CRB1: variants seen among roughly 807,000 people sequenced by gnomAD.
CRB1 encodes crumbs cell polarity complex component 1.
In CRB1, 83 loss-of-function variants were observed where a neutral mutation model predicts 120.0. The ratio of observed to expected loss-of-function variants is 0.69; its 90% confidence interval spans 0.58 to 0.83. CRB1 has a LOEUF of 0.83. Ranked by LOEUF, CRB1 falls within the 40% of genes least tolerant of loss-of-function variation. The probability of loss-of-function intolerance (pLI) is 0.00; values close to 1 mark genes in which losing one functional copy is unlikely to be tolerated. For missense variants in CRB1, 1,699 were observed against 1,687.6 expected (o/e 1.01, Z -0.12); for synonymous variants, 625 against 612.5 (o/e 1.02, Z -0.30).
chr1:197,332,971 G>A (rs972748190), intron 2 of CRB1, among the ~76,000 whole-genome samples: 2 of 152,150 alleles, frequency 1.3e-5, no homozygotes, highest in African/African-American at 2.4e-5. Context: ...CAATCAGCAT[G>A]GATGTGCTGG....
chr1:197,319,894 T>G (rs1042015080), intron 1 of CRB1, among the ~76,000 whole-genome samples: 9 of 152,176 alleles, frequency 5.9e-5, no homozygotes, highest in Non-Finnish European at 1.3e-4. Flanking sequence ...GAAATAGACC[T>G]GAGGTAAACA....
rs138086303 is a variant in CRB1 at position 197,327,209 on chromosome 1, G to A, written c.71-1213G>A. On this transcript the variant is annotated intron_variant, in intron 1 of 11. Coordinates refer to ENST00000367400, the MANE Select transcript of CRB1 (RefSeq NM_201253.3). ...CCTTCCCACTGTATTATCCTGACTC[G>A]CTGGTAAATCTCCTATGATTGCTAA... Among the ~76,000 whole-genome samples, 867 of 149,530 alleles carry A rather than the reference G, an allele frequency of 5.8e-3. 11 individuals are homozygous for A. The highest frequency in any genetic ancestry group is 0.02 in the African/African-American group (821 of 40,562).
the CRB1 span, among the ~76,000 whole-genome samples, chr1:197,208,693 A>G: frequency 1.3e-5 from 2 of 152,304 alleles, no homozygotes; most frequent in East Asian, 3.9e-4. Context: ...GTTGGCCTCT[A>G]GCCAGGAGGT....
the CRB1 span, among the ~76,000 whole-genome samples, chr1:197,213,644 C>A: frequency 2.0e-5 from 3 of 152,096 alleles, no homozygotes; most frequent in African/African-American, 2.4e-5. Context: ...ACAAACAAAT[C>A]TTTTAAAATT....
intron 5 of CRB1, among the ~76,000 whole-genome samples, chr1:197,419,987 G>GAA (rs398053681): frequency 3.6e-4 from 17 of 46,780 alleles, no homozygotes; most frequent in South Asian, 1.4e-3. Flanking sequence ...TCTCAAAAAC[G>GAA]AAAAAAAAAA....
the CRB1 span, among the ~76,000 whole-genome samples, chr1:197,250,452 C>T: frequency 7.7e-3 from 1,173 of 152,022 alleles, 11 homozygotes; most frequent in African/African-American, 0.024. Flanking sequence ...ACAAACTTTA[C>T]GATTAGATTC....
the CRB1 span, among the ~76,000 whole-genome samples, chr1:197,235,766 C>G: frequency 1.3e-5 from 2 of 152,128 alleles, no homozygotes; most frequent in Non-Finnish European, 2.9e-5. Context: ...ATATAAGAAA[C>G]AGCTTGCCAA....
At chr1:197,346,706 C>A (rs994166445) in intron 3 of CRB1, among the ~76,000 whole-genome samples, 6 of 152,174 alleles carry the variant, frequency 3.9e-5, no homozygotes, top group Admixed American at 3.9e-4. Context: ...CAACAACTTT[C>A]TTCATTAGAT....
intron 11 of CRB1, among the ~76,000 whole-genome samples, chr1:197,473,030 T>C (rs1372499013): frequency 6.6e-6 from 1 of 152,186 alleles, no homozygotes; most frequent in Non-Finnish European, 1.5e-5. Flanking sequence ...ATCCTACATA[T>C]ACTGTGGGAA....
chr1:197,337,891 C>A (rs1276187197), intron 2 of CRB1, among the ~76,000 whole-genome samples: 1 of 151,900 alleles, frequency 6.6e-6, no homozygotes, highest in Non-Finnish European at 1.5e-5. Flanking sequence ...GAAATTACTA[C>A]TATTTTAACA....
intron 8 of CRB1, among the ~76,000 whole-genome samples, chr1:197,431,442 ACTT>A (rs1664866514): frequency 6.6e-6 from 1 of 152,178 alleles, no homozygotes; most frequent in African/African-American, 2.4e-5. Context: ...TTTTCATTCT[ACTT>A]CTTTAATTAT....
intron 5 of CRB1, among the ~76,000 whole-genome samples, chr1:197,365,689 G>T (rs1272703962): frequency 2.2e-5 from 3 of 137,344 alleles, no homozygotes; most frequent in Admixed American, 1.6e-4. Flanking sequence ...TTCCAGGCTC[G>T]CCTTGTGTTG....
intron 6 of CRB1, among the ~76,000 whole-genome samples, chr1:197,422,460 G>A (rs555051261): frequency 1.5e-4 from 22 of 149,994 alleles, no homozygotes; most frequent in Admixed American, 8.0e-4. Flanking sequence ...TAAGCATAGC[G>A]TTTTTATAAA....
chr1:197,244,407 C>T, the CRB1 span, among the ~76,000 whole-genome samples: 1 of 151,854 alleles, frequency 6.6e-6, no homozygotes, highest in Admixed American at 6.6e-5. Flanking sequence ...GTATCTGTTT[C>T]ATCCTTAAAA....
chr1:197,272,352 A>G (rs886908195), intron 1 of CRB1, among the ~76,000 whole-genome samples: 5 of 152,168 alleles, frequency 3.3e-5, no homozygotes, highest in East Asian at 1.9e-4. Context: ...TCACTACTCC[A>G]TGAAAGTTAC....
rs1284967148 is a variant in CRB1 at position 197,319,259 on chromosome 1, T to TAAAAAAAAAAAAAAAAA, written c.71-9160_71-9144dup. Among the ~76,000 whole-genome samples, 36 of 49,034 alleles carry TAAAAAAAAAAAAAAAAA rather than the reference T, an allele frequency of 7.3e-4. 1 individual carries two copies. Among genetic ancestry groups the TAAAAAAAAAAAAAAAAA allele is most frequent in the African/African-American group, 2.9e-3 (33 of 11,408 alleles). The allele number at this position is 49,034 out of a possible 152,430, so 32.2% of individuals were successfully genotyped here. On this transcript the variant is annotated intron_variant, in intron 1 of 11. Transcript: ENST00000367400. ...CAACATAGTGAAACCCTGTCTCTAC[T>TAAAAAAAAAAAAAAAAA]AAAAAAAAAAAAAAAAAAATTAGCC...
chr1:197,247,968 A>G, the CRB1 span, among the ~76,000 whole-genome samples: 4 of 152,020 alleles, frequency 2.6e-5, no homozygotes, highest in African/African-American at 9.7e-5. Flanking sequence ...TCTGATATTA[A>G]CTAGGAATTA....
chr1:197,358,600 T>G (rs1457568095), intron 5 of CRB1, among the ~76,000 whole-genome samples: 6 of 152,214 alleles, frequency 3.9e-5, no homozygotes, highest in African/African-American at 1.4e-4. Flanking sequence ...TGGGTTCCCA[T>G]CATCAGTTGT....
At chr1:197,453,502 GTGTATATATA>G (rs1268425195) in intron 11 of CRB1, among the ~76,000 whole-genome samples, 3 of 140,496 alleles carry the variant, frequency 2.1e-5, no homozygotes, top group Non-Finnish European at 3.0e-5. Flanking sequence ...GTATATATAT[GTGTATATATA>G]TGTGTGTGTG....
Sources: gnomAD v4.1 joint callset for allele counts (sites outside exome capture counted in the v4.1 genomes callset) on GRCh38, gnomAD v4.1.1 for gene constraint, MANE v1.5 for transcripts, NCBI Gene and HGNC (gene_info 2026-07-23, HGNC 2026-07-21) for gene names.